Variants in CUL3 observed in about 807,000 individuals in gnomAD.
The protein encoded by CUL3 is cullin-3.
CUL3 carries 19 observed loss-of-function variants against 89.1 expected under a neutral mutation model. The ratio of observed to expected loss-of-function variants is 0.21; its 90% CI spans 0.15 to 0.31. CUL3 has a LOEUF of 0.31. CUL3 is among the 10% of genes least tolerant of loss of function. The pLI, the probability that CUL3 is intolerant of heterozygous loss-of-function variation, is 1.00. For synonymous variants in CUL3, 351 were observed against 308.4 expected, an observed-to-expected ratio of 1.14 and a Z score of -1.45; for missense variants, 469 against 942.3, an observed-to-expected ratio of 0.50 and a Z score of 6.58.
chr2:224,575,295 G>A (rs544139658), intron 1 of CUL3, among the ~76,000 whole-genome samples: 1 of 152,298 alleles, frequency 6.6e-6, no homozygotes, highest in East Asian at 1.9e-4. Context: ...GGACATAAAG[G>A]AAACTGCTCA....
chr2:224,567,467 C>T (rs763328841), intron 1 of CUL3, among the ~76,000 whole-genome samples: 54 of 152,050 alleles, frequency 3.6e-4, no homozygotes, highest in Non-Finnish European at 6.0e-4. Flanking sequence ...CGGCCGGGCA[C>T]GGTGGCTCAC....
At chr2:224,502,944 G>C (rs199592925) in intron 10 of CUL3, 21 bp downstream of exon 10, 540 of 1,547,560 alleles carry the variant, frequency 3.5e-4, no homozygotes, top group Middle Eastern at 1.2e-3. Context: ...TATCTAAGTA[G>C]AAATTAACGC....
At chr2:224,549,436 G>A (rs1694428184) in intron 2 of CUL3, among the ~76,000 whole-genome samples, 1 of 151,726 alleles carries the variant, frequency 6.6e-6, no homozygotes, top group Non-Finnish European at 1.5e-5. Flanking sequence ...AACTTATCAA[G>A]ACACATAATC....
chr2:224,528,558 C>CA (rs2106250443), intron 3 of CUL3, among the ~76,000 whole-genome samples: 1 of 145,210 alleles, frequency 6.9e-6, no homozygotes, highest in South Asian at 2.3e-4. Context: ...TAGCCTACCA[C>CA]ACTCCTTAAG....
chr2:224,552,201 A>C (rs903077940), intron 2 of CUL3, among the ~76,000 whole-genome samples: 3 of 151,682 alleles, frequency 2.0e-5, no homozygotes, highest in African/African-American at 7.3e-5. Context: ...GAAAAGCAGA[A>C]CTTTTTTCCT....
At chr2:224,539,744 GA>G (rs1328098332) in intron 2 of CUL3, among the ~76,000 whole-genome samples, 8 of 150,348 alleles carry the variant, frequency 5.3e-5, no homozygotes, top group Non-Finnish European at 8.9e-5. Flanking sequence ...TGACATTCTG[GA>G]AAAGGCAAAA....
At chr2:224,539,539 T>C (rs113357810) in intron 2 of CUL3, among the ~76,000 whole-genome samples, 3 of 152,180 alleles carry the variant, frequency 2.0e-5, no homozygotes, top group Non-Finnish European at 4.4e-5. Context: ...TTGCCACAAC[T>C]TGGAAGAAAC....
chr2:224,535,072 A>C (rs565030306), intron 3 of CUL3, among the ~76,000 whole-genome samples: 6 of 151,792 alleles, frequency 4.0e-5, no homozygotes, highest in Admixed American at 2.0e-4. Context: ...ATTTTTATTC[A>C]CATAGGCTTC....
At chr2:224,496,927 T>C (rs1692190642) in intron 12 of CUL3, among the ~76,000 whole-genome samples, 1 of 152,206 alleles carries the variant, frequency 6.6e-6, no homozygotes, top group Non-Finnish European at 1.5e-5. Context: ...AGTTCTTTAG[T>C]TTCCTTGTCC....
intron 2 of CUL3, 28 bp downstream of exon 2, chr2:224,557,631 T>C (rs375756950): frequency 5.4e-6 from 8 of 1,480,286 alleles, no homozygotes; most frequent in Non-Finnish European, 7.5e-6. Context: ...CAATATAGTA[T>C]TAGCAACAGT....
At chr2:224,534,512 AAG>A (rs1693811524) in intron 3 of CUL3, among the ~76,000 whole-genome samples, 1 of 152,212 alleles carries the variant, frequency 6.6e-6, no homozygotes, top group African/African-American at 2.4e-5. Context: ...AAAAACTTGT[AAG>A]AGAATATTCA....
chr2:224,552,482 T>C (rs1694551708), intron 2 of CUL3, among the ~76,000 whole-genome samples: 1 of 152,214 alleles, frequency 6.6e-6, no homozygotes, highest in African/African-American at 2.4e-5. Flanking sequence ...ATATTTTCTA[T>C]GCCTGCTTCA....
intron 13 of CUL3, among the ~76,000 whole-genome samples, chr2:224,483,809 G>A (rs1691618412): frequency 6.6e-6 from 1 of 152,116 alleles, no homozygotes; most frequent in East Asian, 1.9e-4. Flanking sequence ...TGTTCTGTTG[G>A]TACATGCATT....
rs1694756356 is a variant in CUL3 at position 224,557,674 on chromosome 2, T to C, written c.249A>G (p.Glu83=). 6.2e-7 allele frequency: 1 copy of C among 1,609,330 alleles called. No homozygotes were observed. Among genetic ancestry groups the C allele is most frequent in the Admixed American group, 1.7e-5 (1 of 59,920 alleles). The stretch of plus-strand genomic sequence containing the variant: ...AGTTTGATACCTTATTTATGAGATG[T>C]TCGGTAACAACTTCTCTTAGTCCAG... The part of the protein sequence containing the change: ...LYTGLREVVT[E]HLINKVREDV... Residue 83 remains glutamate, a synonymous_variant, in exon 2 of 16, where the codon GAA becomes GAG. Transcript: ENST00000264414.
chr2:224,539,547 A>G (rs1185547362), intron 2 of CUL3, among the ~76,000 whole-genome samples: 1 of 152,228 alleles, frequency 6.6e-6, no homozygotes, highest in African/African-American at 2.4e-5. Context: ...ACTTGGAAGA[A>G]ACCAAGACGT....
At chr2:224,556,380 A>G (rs1203034180) in intron 2 of CUL3, 1 of 152,192 alleles carries the variant, frequency 6.6e-6, no homozygotes, top group East Asian at 1.9e-4. Context: ...GTGCCTCCTG[A>G]TGTGATGCAC....
At chr2:224,532,269 A>T (rs1316021439) in intron 3 of CUL3, among the ~76,000 whole-genome samples, 1 of 152,154 alleles carries the variant, frequency 6.6e-6, no homozygotes, top group Admixed American at 6.6e-5. Context: ...AAGAACAACT[A>T]GGACTAAACC....
rs556131135 is a variant in CUL3, at chr2:224,547,465, T to G, written c.264+10194A>C. Among the ~76,000 whole-genome samples, 6 of 152,232 alleles carry G rather than the reference T, an allele frequency of 3.9e-5. No homozygotes were observed. In the South Asian group the frequency reaches 1.2e-3, roughly 32 times the overall value. On this transcript the variant is annotated intron_variant, in intron 2 of 15. Transcript: ENST00000264414. ...CACATGATGAATCTTGAGTAATGCT[T>G]TAAGTATAATCAAAAGTGACCTCCT...
intron 5 of CUL3, 103 bp from the exon 6 acceptor site, chr2:224,511,685 A>G (rs1240961305): frequency 4.9e-6 from 3 of 613,578 alleles, no homozygotes; most frequent in East Asian, 2.9e-5. Flanking sequence ...CCTAAATAAA[A>G]TAAGTACTAT....
Sources: allele counts gnomAD v4.1 joint callset (sites outside exome capture counted in the v4.1 genomes callset), GRCh38; gene constraint gnomAD v4.1.1; transcripts MANE v1.5; gene names NCBI Gene and HGNC (gene_info 2026-07-23, HGNC 2026-07-21).